The following RSRP1 variants were observed in gnomAD, a reference collection of about 807,000 sequenced individuals.
RSRP1 encodes the protein arginine and serine rich protein 1, also known as arginine/serine-rich protein 1.
RSRP1 carries 37 observed loss-of-function variants against 33.0 expected under a neutral mutation model. That is an observed-to-expected ratio of 1.12 (90% CI 0.86 to 1.48). The LOEUF (loss-of-function observed/expected upper bound fraction) is 1.48, where lower values mean the gene tolerates loss of function less well. Ranked by LOEUF, RSRP1 falls within the 40% of genes most tolerant of loss-of-function variation. The probability of loss-of-function intolerance (pLI) is 0.00; values close to 1 mark genes in which losing one functional copy is unlikely to be tolerated. For missense variants in RSRP1, 402 were observed against 385.3 expected, an observed-to-expected ratio of 1.04 and a Z score of -0.36; for synonymous variants, 167 against 158.7, an observed-to-expected ratio of 1.05 and a Z score of -0.40.
intron 1 of RSRP1, among the ~76,000 whole-genome samples, chr1:25,252,533 T>A (rs1035871926): frequency 9.8e-5 from 13 of 132,030 alleles, no homozygotes. Flanking sequence ...GACCCTGACC[T>A]TTTTTTTTTT....
chr1:25,305,569 G>A lies in RSRP1; in HGVS notation c.-67+32409C>T, dbSNP rs1395215479. 7.6e-5 allele frequency among the ~76,000 whole-genome samples: 9 copies of A among 117,840 alleles called. 2 individuals carry two copies. The highest frequency in any genetic ancestry group is 1.6e-4 in the Non-Finnish European group (8 of 50,708). 77.3% of individuals were successfully genotyped at this position (117,840 alleles called of 152,430 possible). ...CCACCACCATGCCTGGCTAATTTTC[G>A]TGTGTGTATGTATTTTGTTGTTGTT... On this transcript the variant is annotated intron_variant, in intron 1 of 1. Coordinates refer to the RSRP1 transcript ENST00000561867.
chr1:25,248,005 G>C (rs895039973), upstream of RSRP1: 3 of 152,372 alleles, frequency 2.0e-5, no homozygotes, highest in Admixed American at 6.5e-5. Flanking sequence ...GCGGCGCCAG[G>C]AGAAGGCGAC....
chr1:25,279,641 C>T (rs1217187358), intron 1 of RSRP1, among the ~76,000 whole-genome samples: 4 of 124,880 alleles, frequency 3.2e-5, no homozygotes, highest in African/African-American at 1.1e-4. Flanking sequence ...GTCTGTAAGG[C>T]ACGTAGAACA....
rs541994331 is a variant in RSRP1, at chr1:25,320,344, A to T, written c.-67+17634T>A. ...CCTAGTGATGGTTCTGATTTTTTTT[A>T]AAAAAAGTCTAAATATGTTTAATGT... On this transcript the variant is annotated intron_variant, in intron 1 of 1. Coordinates refer to the RSRP1 transcript ENST00000561867. Among the ~76,000 whole-genome samples the T allele has an allele frequency of 6.0e-3, 789 of 131,904 alleles. 134 individuals are homozygous for T. The highest frequency in any genetic ancestry group is 0.012 in the East Asian group (59 of 5,114). The allele number at this position is 131,904 out of a possible 152,430, so 86.5% of individuals were successfully genotyped here.
In RSRP1 at chr1:25,315,963, G is replaced by A. The variant is rs1351446093; in HGVS notation, c.-67+22015C>T. ...AAGGTGGGGTCCACCCCATGAGGCTGCAGGCTTGGAGCTTTGCTTTGTCTT... is the reference window on the plus strand; with the variant it reads ...AAGGTGGGGTCCACCCCATGAGGCTACAGGCTTGGAGCTTTGCTTTGTCTT... On this transcript the variant is annotated intron_variant, in intron 1 of 1. Coordinates refer to the RSRP1 transcript ENST00000561867. 1.5e-5 allele frequency among the ~76,000 whole-genome samples: 2 copies of A among 131,842 alleles called. 1 individual carries two copies. Among genetic ancestry groups the A allele is most frequent in the Non-Finnish European group, 3.6e-5 (2 of 55,866 alleles). The allele number at this position is 131,842 out of a possible 152,430, so 86.5% of individuals were successfully genotyped here.
intron 1 of RSRP1, among the ~76,000 whole-genome samples, chr1:25,283,393 C>A (rs1292874920): frequency 7.7e-6 from 1 of 130,650 alleles, no homozygotes. Context: ...TAGCCGGGCA[C>A]GGTGGCAGGC....
chr1:25,260,710 G>C (rs895696725), intron 1 of RSRP1, among the ~76,000 whole-genome samples: 1 of 152,102 alleles, frequency 6.6e-6, no homozygotes, highest in African/African-American at 2.4e-5. Flanking sequence ...TTTCTGGTGA[G>C]ACCTCTCTCC....
rs1202354879 is a variant in RSRP1 at position 25,271,539 on chromosome 1, T to A, written c.-66-24510A>T. Among the ~76,000 whole-genome samples the A allele has an allele frequency of 1.5e-5, 2 of 132,588 alleles. 1 individual carries two copies. The highest frequency in any genetic ancestry group is 3.6e-5 in the Non-Finnish European group (2 of 55,872). 87.0% of individuals were successfully genotyped at this position (132,588 alleles called of 152,430 possible). A position where few individuals can be genotyped will look rare whatever the true frequency, so the allele number is the denominator to read the frequency against. ...TAAGGAAACTCCAATTCCTTCCTTC[T>A]TTTCTTCCTCTTTCATCTCTTCCTC... On this transcript the variant is annotated intron_variant, in intron 1 of 1. Transcript: ENST00000561867.
In RSRP1 at chr1:25,283,529, C is replaced by T. The variant is rs1314046014; in HGVS notation, c.-66-36500G>A. On this transcript the variant is annotated intron_variant, in intron 1 of 1. Coordinates refer to the RSRP1 transcript ENST00000561867. The stretch of plus-strand genomic sequence containing the variant: ...CTGGGTGACGAGTGAAACTCTATCT[C>T]GATATTAAAAAAAAAAATCTTAGCT... Among the ~76,000 whole-genome samples the T allele has an allele frequency of 5.6e-5, 7 of 124,256 alleles. 1 individual carries two copies. The East Asian group carries it at 1.5e-3, about 26-fold the overall frequency. 81.5% of individuals were successfully genotyped at this position (124,256 alleles called of 152,430 possible). A position where few individuals can be genotyped will look rare whatever the true frequency, so the allele number is the denominator to read the frequency against.
intron 1 of RSRP1, chr1:25,336,921 G>A (rs188227414): frequency 6.6e-6 from 1 of 152,010 alleles, no homozygotes; most frequent in African/African-American, 2.4e-5. Context: ...CCAAAGGGAT[G>A]AAAGTTTCAT....
At chr1:25,256,129 G>T (rs926780312) in intron 1 of RSRP1, among the ~76,000 whole-genome samples, 2 of 151,742 alleles carry the variant, frequency 1.3e-5, no homozygotes, top group East Asian at 3.9e-4. Flanking sequence ...GTTTTTCCTG[G>T]AAGTCTTCTA....
chr1:25,282,113 T>G (rs1301765200), intron 1 of RSRP1, among the ~76,000 whole-genome samples: 1 of 132,524 alleles, frequency 7.5e-6, no homozygotes, highest in African/African-American at 2.6e-5. Context: ...CATTATTTCC[T>G]TTGGATTTCC....
chr1:25,276,429 A>C lies in RSRP1; in HGVS notation c.-66-29400T>G, dbSNP rs112117123. ...GTAATAGTTAATTAAAAAAAAAAAAAAACACCCTGGCTGAGCATTTAGGGA... is the reference window on the plus strand; with the variant it reads ...GTAATAGTTAATTAAAAAAAAAAAACAACACCCTGGCTGAGCATTTAGGGA... On this transcript the variant is annotated intron_variant, in intron 1 of 1. Transcript: ENST00000561867. Among the ~76,000 whole-genome samples the C allele has an allele frequency of 1.2e-4, 15 of 125,770 alleles. 4 individuals are homozygous for C. The highest frequency in any genetic ancestry group is 3.0e-4 in the African/African-American group (11 of 36,070). 82.5% of individuals were successfully genotyped at this position (125,770 alleles called of 152,430 possible). A position where few individuals can be genotyped will look rare whatever the true frequency, so the allele number is the denominator to read the frequency against.
intron 1 of RSRP1, chr1:25,284,621 C>T: frequency 1.4e-6 from 2 of 1,389,182 alleles, no homozygotes; most frequent in Non-Finnish European, 2.0e-6. Context: ...GGCTTCCTCA[C>T]CTCGAGTTTC....
In RSRP1 at chr1:25,282,320, T is replaced by C. The variant is rs377557669; in HGVS notation, c.-66-35291A>G. Among the ~76,000 whole-genome samples, 16 of 131,580 alleles carry C rather than the reference T, an allele frequency of 1.2e-4. No individual in the cohort carries two copies. In the East Asian group the frequency reaches 2.7e-3, roughly 23 times the overall value. The allele number at this position is 131,580 out of a possible 152,430, so 86.3% of individuals were successfully genotyped here. ...TGCGGTCTCAGCTCACTGCAACCTC[T>C]GCCTCCCGGGTTCAAGCGATTCTCC... is the stretch of plus-strand genomic sequence containing the variant. On this transcript the variant is annotated intron_variant, in intron 1 of 1. Coordinates refer to the RSRP1 transcript ENST00000561867.
intron 2 of RSRP1, chr1:25,245,857 C>CA (rs1470631109): frequency 6.4e-6 from 1 of 156,054 alleles, no homozygotes; most frequent in Admixed American, 6.3e-5. Flanking sequence ...ATAATTATCA[C>CA]AACCACTGAA....
rs1487408956 is a variant in RSRP1, at chr1:25,276,188, G to GT, written c.-66-29160dup. On this transcript the variant is annotated intron_variant, in intron 1 of 1. Coordinates refer to the RSRP1 transcript ENST00000561867. The stretch of plus-strand genomic sequence containing the variant: ...GTTAGGTATGATAAAAGCATGGTGG[G>GT]TTGTTTTTGTTTTTGTTTTTTAAGT... Among the ~76,000 whole-genome samples, 14 of 130,994 alleles carry GT rather than the reference G, an allele frequency of 1.1e-4. 2 individuals are homozygous for GT. The highest frequency in any genetic ancestry group is 8.2e-4 in the Admixed American group (11 of 13,390). 85.9% of individuals were successfully genotyped at this position (130,994 alleles called of 152,430 possible). A position where few individuals can be genotyped will look rare whatever the true frequency, so the allele number is the denominator to read the frequency against.
At position 25,306,159 on chromosome 1, in the gene RSRP1, G is replaced by C. The variant is rs1476498744; in HGVS notation, c.-67+31819C>G. ...CCCAGGGGACATCTTACAATGTCTG[G>C]AGGCGTTCTTGGTTGACACAGTGGG... is the stretch of plus-strand genomic sequence containing the variant. On this transcript the variant is annotated intron_variant, in intron 1 of 1. Transcript: ENST00000561867. 3.0e-5 allele frequency among the ~76,000 whole-genome samples: 4 copies of C among 131,814 alleles called. 1 individual carries two copies. Among genetic ancestry groups the C allele is most frequent in the Non-Finnish European group, 7.2e-5 (4 of 55,834 alleles). 86.5% of individuals were successfully genotyped at this position (131,814 alleles called of 152,430 possible).
Position 25,278,078 on chromosome 1 carries a change from G to A in RSRP1, c.-66-31049C>T, listed in dbSNP as rs1571579395. ...TTGTATTGAGCATTTTCTGGGGTGT[G>A]TGTTCTTTGCTGTAATGACTACTGG... On this transcript the variant is annotated intron_variant, in intron 1 of 1. Transcript: ENST00000561867. Among the ~76,000 whole-genome samples the A allele has an allele frequency of 1.5e-5, 2 of 130,200 alleles. 1 individual carries two copies. Among genetic ancestry groups the A allele is most frequent in the Non-Finnish European group, 3.6e-5 (2 of 54,994 alleles). The allele number at this position is 130,200 out of a possible 152,430, so 85.4% of individuals were successfully genotyped here. A position where few individuals can be genotyped will look rare whatever the true frequency, so the allele number is the denominator to read the frequency against.
Sources: gnomAD v4.1 joint callset for allele counts (sites outside exome capture counted in the v4.1 genomes callset) on GRCh38, gnomAD v4.1.1 for gene constraint, MANE v1.5 for transcripts, NCBI Gene and HGNC (gene_info 2026-07-23, HGNC 2026-07-21) for gene names.